NSD3: variants seen among roughly 807,000 people sequenced by gnomAD.
NSD3 encodes the protein histone-lysine N-methyltransferase NSD3.
Under a neutral mutation model 160.8 loss-of-function variants are expected in NSD3, and 24 were observed. That is an observed-to-expected ratio of 0.15 (90% CI 0.11 to 0.21). The LOEUF is 0.21. Ranked by LOEUF, NSD3 falls within the 10% of genes least tolerant of loss-of-function variation. The pLI is 1.00. For synonymous variants in NSD3, 520 were observed against 600.0 expected (o/e 0.87, Z 1.95); for missense variants, 1,157 against 1,735.9 (o/e 0.67, Z 5.93).
chr8:38,376,107 A>T (rs1021411093), intron 1 of NSD3, among the ~76,000 whole-genome samples: 1 of 152,066 alleles, frequency 6.6e-6, no homozygotes, highest in African/African-American at 2.4e-5. Context: ...TTTTTTTTCC[A>T]GGTCCTTTTC....
intron 1 of NSD3, among the ~76,000 whole-genome samples, chr8:38,367,554 A>G (rs902511417): frequency 6.6e-6 from 1 of 152,042 alleles, no homozygotes; most frequent in Non-Finnish European, 1.5e-5. Flanking sequence ...TCTACCAAAA[A>G]TACAAAAATT....
At chr8:38,346,355 GTATATGTATATATGTATA>G (rs1425602623) in intron 2 of NSD3, among the ~76,000 whole-genome samples, 12 of 146,394 alleles carry the variant, frequency 8.2e-5, no homozygotes, top group African/African-American at 2.7e-4. Context: ...AGTATATATA[GTATATGTATATATGTATA>G]TATATGTATA....
chr8:38,315,809 T>C, intron 10 of NSD3, 103 bp downstream of exon 10: 3 of 1,483,186 alleles, frequency 2.0e-6, no homozygotes, highest in Non-Finnish European at 2.7e-6. Context: ...AAGTGATTTT[T>C]TTCTATGAGT....
chr8:38,298,397 T>C (rs1434796781), intron 15 of NSD3, among the ~76,000 whole-genome samples: 1 of 152,210 alleles, frequency 6.6e-6, no homozygotes, highest in Non-Finnish European at 1.5e-5. Context: ...ACTTCTAATA[T>C]GTTCCAATCG....
At chr8:38,320,402 T>C (rs1809768194) in intron 8 of NSD3, 1 of 152,186 alleles carries the variant, frequency 6.6e-6, no homozygotes, top group Non-Finnish European at 1.5e-5. Context: ...GTGAGTTTAA[T>C]TTAAAGAAGA....
At chr8:38,293,284 G>C (rs1809050417) in intron 16 of NSD3, among the ~76,000 whole-genome samples, 1 of 152,154 alleles carries the variant, frequency 6.6e-6, no homozygotes, top group African/African-American at 2.4e-5. Context: ...GGGTGCAGTG[G>C]CTCATGCCTG....
intron 12 of NSD3, among the ~76,000 whole-genome samples, chr8:38,309,957 CTAATA>C (rs1249246561): frequency 1.3e-5 from 2 of 152,110 alleles, no homozygotes; most frequent in African/African-American, 2.4e-5. Flanking sequence ...GTTCTCACTT[CTAATA>C]TGTTAGAAGT....
chr8:38,339,572 A>G (rs1266588714), intron 2 of NSD3, among the ~76,000 whole-genome samples: 2 of 151,982 alleles, frequency 1.3e-5, no homozygotes, highest in African/African-American at 4.8e-5. Context: ...TAAAAACACT[A>G]AAAATTAGCT....
intron 1 of NSD3, among the ~76,000 whole-genome samples, chr8:38,356,065 A>C (rs72630614): frequency 3.2e-4 from 48 of 152,176 alleles, no homozygotes; most frequent in Admixed American, 9.2e-4. Flanking sequence ...CACTCCCCAG[A>C]GTTAACTAAC....
intron 16 of NSD3, 134 bp from the exon 17 acceptor site, chr8:38,290,811 C>T (rs1349405903): frequency 2.7e-6 from 2 of 738,004 alleles, no homozygotes; most frequent in Admixed American, 2.9e-5. Context: ...TAAAATACCA[C>T]ACATCATTAT....
intron 4 of NSD3, 52 bp from the exon 5 acceptor site, chr8:38,331,637 A>C: frequency 6.3e-7 from 1 of 1,584,798 alleles, no homozygotes; most frequent in Non-Finnish European, 8.6e-7. Context: ...ATTCACATCT[A>C]CTTTGCCAAA....
At chr8:38,328,546 A>T (rs2150374978) in intron 6 of NSD3, among the ~76,000 whole-genome samples, 1 of 152,324 alleles carries the variant, frequency 6.6e-6, no homozygotes, top group South Asian at 2.1e-4. Flanking sequence ...CTCTAGGAAG[A>T]TGTATTACTA....
chr8:38,361,963 A>G (rs1047633728), intron 1 of NSD3, among the ~76,000 whole-genome samples: 4 of 152,092 alleles, frequency 2.6e-5, no homozygotes, highest in Admixed American at 2.0e-4. Flanking sequence ...ACCAGTACCT[A>G]AAGACTTCCA....
rs1031216614 is a variant in NSD3, at chr8:38,341,760, T to C, written c.676-3153A>G. Among the ~76,000 whole-genome samples the C allele has an allele frequency of 1.4e-4, 22 of 151,752 alleles. No homozygotes were observed. In the South Asian group the frequency reaches 1.9e-3, roughly 13 times the overall value. On this transcript the variant is annotated intron_variant, in intron 2 of 23. Coordinates refer to ENST00000317025, the MANE Select transcript of NSD3 (RefSeq NM_023034.2). ...TGAGCCTAGGAACTGAAGAACAGCT[T>C]GGGCAACATGGCGAGACCCCATCTC...
chr8:38,316,126 T>G lies in NSD3; in HGVS notation c.1856-84A>C. ...TTTGTGTGTGGGAGAATATTTTCTT[T>G]TCTCAAACTCATCTTTAGTGTGGAA... On this transcript the variant is annotated intron_variant, in intron 9 of 23. Coordinates refer to ENST00000317025, the MANE Select transcript of NSD3 (RefSeq NM_023034.2). This position sits in a 1 kb window ranked among gnomAD's most constrained non-coding sequence, Gnocchi z 4.5. 1 of 1,545,894 alleles carries G rather than the reference T, an allele frequency of 6.5e-7. No individual in the cohort carries two copies. The highest frequency in any genetic ancestry group is 8.7e-7 in the Non-Finnish European group (1 of 1,144,096).
intron 16 of NSD3, among the ~76,000 whole-genome samples, chr8:38,293,820 G>GGCTGAAGCA (rs1490962356): frequency 2.0e-5 from 3 of 146,962 alleles, no homozygotes; most frequent in Admixed American, 6.9e-5. Context: ...CTACTTGGGA[G>GGCTGAAGCA]GCTGAAGCAG....
At position 38,294,503 on chromosome 8, in the gene NSD3, C is replaced by T. The variant is rs140253970; in HGVS notation, c.2915+1293G>A. ...ACTCACATACTTCCTGCTTCATTCC[C>T]TTAAGACTAAAGCCTCTTAATGGAA... On this transcript the variant is annotated intron_variant, in intron 16 of 23. Transcript: ENST00000317025. 4.5e-4 allele frequency among the ~76,000 whole-genome samples: 68 copies of T among 152,282 alleles called. 3 individuals carry two copies. The East Asian group carries it at 0.012, about 28-fold the overall frequency.
intron 22 of NSD3, among the ~76,000 whole-genome samples, chr8:38,276,987 G>A (rs956667190): frequency 6.6e-6 from 1 of 152,058 alleles, no homozygotes; most frequent in Non-Finnish European, 1.5e-5. Context: ...CTGTCACTAG[G>A]CTGGAGTGCA....
chr8:38,312,333 C>T (rs917453206), intron 12 of NSD3, among the ~76,000 whole-genome samples: 4 of 152,100 alleles, frequency 2.6e-5, no homozygotes, highest in African/African-American at 9.7e-5. Context: ...CTTAAATTTT[C>T]TAATAGATGT....
Sources: gnomAD v4.1 joint callset for allele counts (sites outside exome capture counted in the v4.1 genomes callset) on GRCh38, gnomAD v4.1.1 for gene constraint, Gnocchi (gnomAD v3.1) non-coding constraint, MANE v1.5 for transcripts, NCBI Gene and HGNC (gene_info 2026-07-23, HGNC 2026-07-21) for gene names.